The following ARHGAP18 variants were observed in gnomAD, a reference collection of about 807,000 sequenced individuals.
ARHGAP18 encodes rho GTPase-activating protein 18.
ARHGAP18 carries 67 observed loss-of-function variants against 86.2 expected under a neutral mutation model. That is an observed-to-expected ratio of 0.78 (90% CI 0.64 to 0.95). ARHGAP18 has a LOEUF of 0.95. Ranked by LOEUF, ARHGAP18 falls within the 40% of genes least tolerant of loss-of-function variation. The pLI, the probability that ARHGAP18 is intolerant of heterozygous loss-of-function variation, is 0.00. For synonymous variants in ARHGAP18, 283 were observed against 280.4 expected, an observed-to-expected ratio of 1.01 and a Z score of -0.09; for missense variants, 691 against 780.4, an observed-to-expected ratio of 0.89 and a Z score of 1.37.
At chr6:129,591,144 A>G (rs1013626256) in intron 12 of ARHGAP18, among the ~76,000 whole-genome samples, 4 of 152,250 alleles carry the variant, frequency 2.6e-5, no homozygotes, top group Non-Finnish European at 4.4e-5. Context: ...GCTGTATCGA[A>G]TACTGAAGTT....
chr6:129,667,528 A>G (rs1263335223), intron 1 of ARHGAP18, among the ~76,000 whole-genome samples: 2 of 147,154 alleles, frequency 1.4e-5, no homozygotes, highest in African/African-American at 5.0e-5. Flanking sequence ...ATATATATGC[A>G]TATATATCTT....
chr6:129,702,390 TCTTA>T (rs1464075856), intron 1 of ARHGAP18, among the ~76,000 whole-genome samples: 3 of 152,154 alleles, frequency 2.0e-5, no homozygotes, highest in Admixed American at 6.5e-5. Context: ...TAATGAGAGT[TCTTA>T]TTCTCTATCC....
At chr6:129,695,806 A>C (rs530009850) in intron 1 of ARHGAP18, among the ~76,000 whole-genome samples, 1 of 145,702 alleles carries the variant, frequency 6.9e-6, no homozygotes, top group South Asian at 2.1e-4. Flanking sequence ...ACGTGTTCTT[A>C]TCTGAAAGTA....
At chr6:129,591,530 CAT>C (rs1255044014) in intron 12 of ARHGAP18, among the ~76,000 whole-genome samples, 6 of 152,160 alleles carry the variant, frequency 3.9e-5, no homozygotes, top group South Asian at 2.1e-4. Flanking sequence ...ATGGTCTTCA[CAT>C]GTTTTACATA....
At chr6:129,660,654 C>T (rs1306427976) in intron 1 of ARHGAP18, among the ~76,000 whole-genome samples, 2 of 152,178 alleles carry the variant, frequency 1.3e-5, no homozygotes, top group African/African-American at 4.8e-5. Context: ...GGCCCCACTC[C>T]AGATTTGTTG....
intron 5 of ARHGAP18, among the ~76,000 whole-genome samples, chr6:129,621,304 AC>A (rs1584054865): frequency 6.6e-6 from 1 of 152,162 alleles, no homozygotes; most frequent in African/African-American, 2.4e-5. Flanking sequence ...CTTTAAGCAA[AC>A]TCAATTCAAA....
At chr6:129,627,313 GATC>G in intron 5 of ARHGAP18, among the ~76,000 whole-genome samples, 1 of 151,948 alleles carries the variant, frequency 6.6e-6, no homozygotes, top group Non-Finnish European at 1.5e-5. Context: ...GAAAATATTA[GATC>G]ATAATTTTGT....
At chr6:129,633,124 T>C (rs17811265) in intron 4 of ARHGAP18, among the ~76,000 whole-genome samples, 22,923 of 152,128 alleles carry the variant, frequency 0.15, 1,807 homozygotes, top group African/African-American at 0.19. Context: ...TAAGTACTAA[T>C]AAAGCCTTAA....
At chr6:129,633,004 T>C (rs1369496132) in intron 4 of ARHGAP18, among the ~76,000 whole-genome samples, 1 of 152,204 alleles carries the variant, frequency 6.6e-6, no homozygotes, top group Non-Finnish European at 1.5e-5. Flanking sequence ...TTTGTTTTAG[T>C]TTGTTAAATA....
intron 1 of ARHGAP18, among the ~76,000 whole-genome samples, chr6:129,657,878 C>T (rs1264115585): frequency 1.3e-5 from 2 of 152,194 alleles, no homozygotes; most frequent in Non-Finnish European, 2.9e-5. Flanking sequence ...TTAGCTGCCT[C>T]CTAAGCATTC....
chr6:129,707,772 A>T (rs1774826410), intron 1 of ARHGAP18, among the ~76,000 whole-genome samples: 1 of 151,160 alleles, frequency 6.6e-6, no homozygotes, highest in African/African-American at 2.4e-5. Flanking sequence ...CAAAGTGCTG[A>T]GATGACAGGT....
chr6:129,585,448 G>C (rs575666253), intron 12 of ARHGAP18, among the ~76,000 whole-genome samples: 13 of 152,256 alleles, frequency 8.5e-5, no homozygotes, highest in Non-Finnish European at 4.4e-5. Flanking sequence ...TTGCTTCTCA[G>C]TAATATCAGA....
intron 8 of ARHGAP18, among the ~76,000 whole-genome samples, chr6:129,610,650 C>T (rs888854307): frequency 2.6e-5 from 4 of 151,764 alleles, no homozygotes; most frequent in East Asian, 3.9e-4. Context: ...TCTTTTGAGA[C>T]GAAGTCTCGC....
chr6:129,578,639 C>A, intron 14 of ARHGAP18, 35 bp from the exon 15 acceptor site: 1 of 1,519,414 alleles, frequency 6.6e-7, no homozygotes. Context: ...TTTAATACAG[C>A]AGGTAGATTG....
intron 1 of ARHGAP18, among the ~76,000 whole-genome samples, chr6:129,649,534 C>A: frequency 8.8e-6 from 1 of 113,854 alleles, no homozygotes. Flanking sequence ...AGCCTGGCAA[C>A]AGAGCAAGTC....
chr6:129,626,961 A>C (rs1334408688), intron 5 of ARHGAP18, among the ~76,000 whole-genome samples: 3 of 152,134 alleles, frequency 2.0e-5, no homozygotes, highest in Non-Finnish European at 2.9e-5. Context: ...ACACTTCTAG[A>C]GTCCTGATCA....
rs77225396 is a variant in ARHGAP18, at chr6:129,666,699, C to T, written c.114-24681G>A. On this transcript the variant is annotated intron_variant, in intron 1 of 14. Coordinates refer to ENST00000368149, the MANE Select transcript of ARHGAP18 (RefSeq NM_033515.3). ...ATCCTATTATAAACTGATTTACATC[C>T]TGACTATACCTGCACATACAGACAC... 5.7e-3 allele frequency among the ~76,000 whole-genome samples: 867 copies of T among 152,326 alleles called. 10 individuals are homozygous for T. The highest frequency in any genetic ancestry group is 0.02 in the African/African-American group (837 of 41,568).
In ARHGAP18 at chr6:129,629,581, T is replaced by A. The variant is rs181120133; in HGVS notation, c.617-59A>T. 5.1e-3 allele frequency: 7,690 copies of A among 1,515,918 alleles called. 26 individuals carry two copies. Among genetic ancestry groups the A allele is most frequent in the African/African-American group, 0.014 (967 of 71,024 alleles). The allele number at this position is 1,515,918 out of a possible 1,614,324, so 93.9% of individuals were successfully genotyped here. A position where few individuals can be genotyped will look rare whatever the true frequency, so the allele number is the denominator to read the frequency against. On this transcript the variant is annotated intron_variant, in intron 4 of 14. Transcript: ENST00000368149. Reference sequence around the variant, plus strand: ...TGCTTTATTTATTTTTTAAAAAAAATTCTAATGCATTCGCTACATAAAAAC... The same window carrying A: ...TGCTTTATTTATTTTTTAAAAAAAAATCTAATGCATTCGCTACATAAAAAC...
At chr6:129,586,261 G>A (rs1306124511) in intron 12 of ARHGAP18, among the ~76,000 whole-genome samples, 1 of 152,124 alleles carries the variant, frequency 6.6e-6, no homozygotes, top group African/African-American at 2.4e-5. Flanking sequence ...ACATTAGACT[G>A]AAAATTGTAA....
Sources: allele counts gnomAD v4.1 joint callset (sites outside exome capture counted in the v4.1 genomes callset), GRCh38; gene constraint gnomAD v4.1.1; transcripts MANE v1.5; gene names NCBI Gene and HGNC (gene_info 2026-07-23, HGNC 2026-07-21).